ACOXL: variants seen among roughly 807,000 people sequenced by gnomAD.
ACOXL encodes acyl-coenzyme A oxidase-like protein.
In ACOXL, 70 loss-of-function variants were observed where a neutral mutation model predicts 71.9. The ratio of observed to expected loss-of-function variants is 0.97; its 90% confidence interval spans 0.80 to 1.19. The LOEUF is 1.19. Ranked by LOEUF, ACOXL falls within the 50% of genes most tolerant of loss-of-function variation. ACOXL has a pLI of 0.00. For missense variants in ACOXL, 703 were observed against 736.3 expected (o/e 0.95, Z 0.52); for synonymous variants, 253 against 281.6 (o/e 0.90, Z 1.02).
Position 110,799,055 on chromosome 2 carries a change from A to G in ACOXL, c.502A>G (p.Ser168Gly), listed in dbSNP as rs1685624130. ...FIVPVRDENGSLYPGVTAIDM... is the reference protein window; with the variant it reads ...FIVPVRDENGGLYPGVTAIDM... ...CGTTCCTGTCCGGGATGAAAACGGA[A>G]GCTTGTACCCAGGAGTCACAGCTAT... The change falls in exon 7 of 18, where the codon AGC becomes GGC. Residue 168 changes from serine to glycine, a missense_variant. Physicochemically the swap from Ser to Gly is moderately conservative, Grantham distance 56. Transcript: ENST00000439055. The G allele has an allele frequency of 6.2e-7, 1 of 1,613,778 alleles. No individual in the cohort carries two copies. The highest frequency in any genetic ancestry group is 8.5e-7 in the Non-Finnish European group (1 of 1,179,896).
chr2:110,934,289 G>A (rs1041366892), intron 12 of ACOXL, among the ~76,000 whole-genome samples: 2 of 152,152 alleles, frequency 1.3e-5, no homozygotes, highest in African/African-American at 4.8e-5. Context: ...GGCAGGACAC[G>A]CAGCATGAGG....
chr2:111,089,523 G>A (rs62163304), intron 16 of ACOXL, among the ~76,000 whole-genome samples: 38,492 of 152,084 alleles, frequency 0.25, 5,033 homozygotes, highest in Middle Eastern at 0.35. Flanking sequence ...CATGTCAGGT[G>A]ACTTAACCAA....
chr2:110,784,963 C>T, intron 3 of ACOXL, 148 bp downstream of exon 3: 1 of 531,820 alleles, frequency 1.9e-6, no homozygotes, highest in Non-Finnish European at 3.1e-6. Flanking sequence ...TGCCTGACTT[C>T]CCTTTTAACT....
chr2:111,038,258 A>G (rs1021091144), intron 15 of ACOXL, among the ~76,000 whole-genome samples: 8 of 152,240 alleles, frequency 5.3e-5, no homozygotes, highest in African/African-American at 1.9e-4. Context: ...GGAAGACTCA[A>G]ATCCCAGCAG....
At chr2:110,980,350 G>T (rs1220287284) in intron 12 of ACOXL, among the ~76,000 whole-genome samples, 1 of 152,254 alleles carries the variant, frequency 6.6e-6, no homozygotes, top group African/African-American at 2.4e-5. Flanking sequence ...GCATGAAGTA[G>T]CCTGGGCAAG....
chr2:110,802,653 G>A (rs1311670044), intron 8 of ACOXL, among the ~76,000 whole-genome samples: 1 of 152,010 alleles, frequency 6.6e-6, no homozygotes, highest in Non-Finnish European at 1.5e-5. Flanking sequence ...TTGTACCCCT[G>A]AACTTAAAAT....
intron 9 of ACOXL, among the ~76,000 whole-genome samples, chr2:110,840,984 A>C (rs542803001): frequency 2.6e-5 from 4 of 152,210 alleles, no homozygotes; most frequent in Admixed American, 2.6e-4. Context: ...TGTTCTCCTA[A>C]TGCCAACCTT....
intron 11 of ACOXL, among the ~76,000 whole-genome samples, chr2:110,916,363 G>A (rs900390413): frequency 6.6e-6 from 1 of 152,044 alleles, no homozygotes; most frequent in African/African-American, 2.4e-5. Context: ...TGAAACCAAT[G>A]AGAGCAAAGA....
intron 9 of ACOXL, among the ~76,000 whole-genome samples, chr2:110,816,786 G>A (rs1573656152): frequency 6.6e-6 from 1 of 152,188 alleles, no homozygotes; most frequent in African/African-American, 2.4e-5. Flanking sequence ...TTCTATCCGG[G>A]TGAGAGAAAT....
At chr2:110,966,876 C>T (rs547840383) in intron 12 of ACOXL, among the ~76,000 whole-genome samples, 1 of 152,348 alleles carries the variant, frequency 6.6e-6, no homozygotes, top group South Asian at 2.1e-4. Context: ...ACTCCTTTTC[C>T]TCCAGCATGG....
intron 10 of ACOXL, among the ~76,000 whole-genome samples, chr2:110,891,277 A>G (rs1435132196): frequency 6.6e-6 from 1 of 152,114 alleles, no homozygotes; most frequent in Non-Finnish European, 1.5e-5. Flanking sequence ...GGATAATTAT[A>G]CACTCTTCCT....
intron 11 of ACOXL, among the ~76,000 whole-genome samples, chr2:110,915,423 TATATA>T (rs1457376864): frequency 1.7e-4 from 21 of 126,584 alleles, no homozygotes; most frequent in East Asian, 6.5e-4. Context: ...TATATATATA[TATATA>T]TTTTTTTTTT....
At chr2:110,999,242 C>G (rs1317624578) in intron 14 of ACOXL, among the ~76,000 whole-genome samples, 1 of 152,150 alleles carries the variant, frequency 6.6e-6, no homozygotes, top group Non-Finnish European at 1.5e-5. Flanking sequence ...ACCCACACCC[C>G]TGGTGTCCTT....
chr2:110,735,927 C>A (rs1676778490), intron 1 of ACOXL, among the ~76,000 whole-genome samples: 2 of 152,168 alleles, frequency 1.3e-5, no homozygotes, highest in African/African-American at 4.8e-5. Context: ...ACACACCTCT[C>A]ACCCGGAGAA....
intron 10 of ACOXL, among the ~76,000 whole-genome samples, chr2:110,867,222 G>A (rs375513437): frequency 1.1e-4 from 17 of 152,314 alleles, no homozygotes; most frequent in Non-Finnish European, 2.2e-4. Flanking sequence ...AAGCTTGGAA[G>A]GGCATGGAGC....
chr2:110,851,145 T>G (rs9917288), intron 10 of ACOXL, among the ~76,000 whole-genome samples: 3 of 152,318 alleles, frequency 2.0e-5, no homozygotes, highest in South Asian at 2.1e-4. Flanking sequence ...GAGGGATTTT[T>G]GGGGGTTGAC....
intron 12 of ACOXL, among the ~76,000 whole-genome samples, chr2:110,984,605 A>G (rs2062849078): frequency 1.3e-5 from 2 of 152,226 alleles, no homozygotes; most frequent in Admixed American, 1.3e-4. Context: ...CCAGAACCAA[A>G]TTTATCTCCC....
At chr2:110,837,678 C>T (rs1272613275) in intron 9 of ACOXL, among the ~76,000 whole-genome samples, 1 of 151,622 alleles carries the variant, frequency 6.6e-6, no homozygotes, top group Non-Finnish European at 1.5e-5. Flanking sequence ...TCAGCTGTTC[C>T]AAAAAAGGAG....
At chr2:111,056,566 A>C (rs1220103712) in intron 16 of ACOXL, among the ~76,000 whole-genome samples, 1 of 152,024 alleles carries the variant, frequency 6.6e-6, no homozygotes, top group East Asian at 1.9e-4. Flanking sequence ...AGGTGGGTGG[A>C]TCATGAGGTC....
Sources: gnomAD v4.1 joint callset for allele counts (sites outside exome capture counted in the v4.1 genomes callset) on GRCh38, gnomAD v4.1.1 for gene constraint, MANE v1.5 for transcripts, NCBI Gene and HGNC (gene_info 2026-07-23, HGNC 2026-07-21) for gene names.